Variants in CSMD3 observed in about 807,000 individuals in gnomAD.
The protein encoded by CSMD3 is CUB and Sushi multiple domains 3, also known as CUB and sushi domain-containing protein 3.
Under a neutral mutation model 435.2 loss-of-function variants are expected in CSMD3, and 177 were observed. The observed-to-expected ratio is 0.41, with a 90% CI of 0.36 to 0.46. The LOEUF is 0.46. Ranked by LOEUF, CSMD3 falls within the 20% of genes least tolerant of loss-of-function variation. The pLI is 0.34. For synonymous variants in CSMD3, 1,656 were observed against 1,520.5 expected (o/e 1.09, Z -2.07); for missense variants, 4,265 against 4,504.6 (o/e 0.95, Z 1.52).
chr8:112,316,926 C>G (rs943494033), intron 47 of CSMD3, among the ~76,000 whole-genome samples: 3 of 151,820 alleles, frequency 2.0e-5, no homozygotes, highest in Non-Finnish European at 4.4e-5. Context: ...TAGGAAAAGT[C>G]AAAAAATTTT....
At chr8:113,296,511 G>A (rs568158991) in intron 2 of CSMD3, among the ~76,000 whole-genome samples, 19 of 151,812 alleles carry the variant, frequency 1.3e-4, no homozygotes, top group Admixed American at 6.6e-5. Flanking sequence ...GCAACACAGC[G>A]AGACTCTGTC....
intron 11 of CSMD3, among the ~76,000 whole-genome samples, chr8:112,846,760 T>C (rs943956217): frequency 6.6e-6 from 1 of 151,974 alleles, no homozygotes; most frequent in Non-Finnish European, 1.5e-5. Flanking sequence ...TTTAATTTTA[T>C]TGTACTTGCA....
chr8:112,349,953 T>C (rs1486906569), intron 40 of CSMD3, among the ~76,000 whole-genome samples: 2 of 152,018 alleles, frequency 1.3e-5, no homozygotes, highest in African/African-American at 2.4e-5. Context: ...TGAAGGTACT[T>C]AAGGTTAAAT....
At chr8:112,421,984 A>C (rs1812564252) in intron 32 of CSMD3, among the ~76,000 whole-genome samples, 1 of 152,028 alleles carries the variant, frequency 6.6e-6, no homozygotes, top group Admixed American at 6.6e-5. Flanking sequence ...ACTATCAAAA[A>C]ATTAGTAAGC....
intron 2 of CSMD3, among the ~76,000 whole-genome samples, chr8:113,301,460 T>C (rs942025091): frequency 1.2e-4 from 19 of 152,180 alleles, no homozygotes; most frequent in African/African-American, 3.4e-4. Context: ...CACTCAGATA[T>C]AATTTGACTG....
intron 27 of CSMD3, among the ~76,000 whole-genome samples, chr8:112,525,559 A>G (rs1007669506): frequency 6.7e-6 from 1 of 148,272 alleles, no homozygotes; most frequent in Non-Finnish European, 1.5e-5. Flanking sequence ...TCTCTACTAA[A>G]AATACAAAAA....
rs1051980193 is a variant in CSMD3 at position 112,289,610 on chromosome 8, T to C, written c.8975-72A>G. ...CGAACAACCTATACCAGCATGTTTA[T>C]AGAACATACCAGAAGTAAATGTTCT... On this transcript the variant is annotated intron_variant, in intron 56 of 70. Transcript: ENST00000297405. 67 of 976,898 alleles carry C rather than the reference T, an allele frequency of 6.9e-5. No homozygotes were observed. In the African/African-American group the frequency reaches 1.0e-3, roughly 15 times the overall value. The allele number at this position is 976,898 out of a possible 1,614,324, so 60.5% of individuals were successfully genotyped here.
chr8:112,534,580 C>T (rs1349280315), intron 27 of CSMD3, among the ~76,000 whole-genome samples: 1 of 152,112 alleles, frequency 6.6e-6, no homozygotes, highest in African/African-American at 2.4e-5. Context: ...GATGGATTCA[C>T]AGCTAAATTC....
At chr8:113,000,392 T>C (rs2085818707) in intron 6 of CSMD3, among the ~76,000 whole-genome samples, 1 of 152,012 alleles carries the variant, frequency 6.6e-6, no homozygotes, top group Non-Finnish European at 1.5e-5. Flanking sequence ...ATGTCATATA[T>C]TGACCACTTC....
chr8:113,368,857 G>T (rs1386524705), intron 1 of CSMD3, among the ~76,000 whole-genome samples: 5 of 152,008 alleles, frequency 3.3e-5, no homozygotes, highest in Non-Finnish European at 5.9e-5. Context: ...ATTTTCCAAT[G>T]AAGGTAATGT....
chr8:112,401,420 C>A (rs1340771415), intron 35 of CSMD3, among the ~76,000 whole-genome samples: 5 of 151,882 alleles, frequency 3.3e-5, no homozygotes. Context: ...GTCTCATCTG[C>A]ATGTCTTCAT....
At chr8:112,636,496 A>ATCTG (rs1189038673) in intron 22 of CSMD3, among the ~76,000 whole-genome samples, 2 of 151,504 alleles carry the variant, frequency 1.3e-5, no homozygotes, top group African/African-American at 4.9e-5. Context: ...CTGTCTATCT[A>ATCTG]TATCATCTAT....
At chr8:112,269,377 A>G (rs1307590138) in intron 59 of CSMD3, among the ~76,000 whole-genome samples, 1 of 152,234 alleles carries the variant, frequency 6.6e-6, no homozygotes, top group African/African-American at 2.4e-5. Flanking sequence ...TGGTGTCCTT[A>G]GCCCAAAGGA....
chr8:112,624,369 A>C (rs952008505), intron 22 of CSMD3, among the ~76,000 whole-genome samples: 3 of 152,078 alleles, frequency 2.0e-5, no homozygotes. Context: ...TTTCTCCTGA[A>C]GAAAATAAAA....
intron 13 of CSMD3, among the ~76,000 whole-genome samples, chr8:112,795,316 C>A (rs1310021541): frequency 6.6e-6 from 1 of 151,456 alleles, no homozygotes. Context: ...TGTCCCAGTA[C>A]TGGAAAAAAA....
intron 32 of CSMD3, among the ~76,000 whole-genome samples, chr8:112,437,765 A>T (rs1814534310): frequency 6.6e-6 from 1 of 152,124 alleles, no homozygotes; most frequent in South Asian, 2.1e-4. Context: ...CAAAAATGTC[A>T]CAAGTATGGT....
chr8:112,387,164 G>C (rs1046686239), intron 36 of CSMD3, among the ~76,000 whole-genome samples: 3 of 152,124 alleles, frequency 2.0e-5, no homozygotes, highest in Admixed American at 6.5e-5. Context: ...TTGCCACAAA[G>C]AGTGGGAAAT....
In CSMD3 at chr8:112,549,836, CA is replaced by C. The variant is rs572531384; in HGVS notation, c.4564+834del. On this transcript the variant is annotated intron_variant, in intron 27 of 70. Transcript: ENST00000297405. ...GTGCCCAAAATTAGCAGTTAGTAAACAGCCAGAATTTGAATTCCGACACATT... is the reference window on the plus strand; with the variant it reads ...GTGCCCAAAATTAGCAGTTAGTAAACGCCAGAATTTGAATTCCGACACATT... Among the ~76,000 whole-genome samples, 540 of 152,034 alleles carry C rather than the reference CA, an allele frequency of 3.6e-3. 2 individuals carry two copies. Among genetic ancestry groups the C allele is most frequent in the African/African-American group, 0.012 (518 of 41,524 alleles).
intron 3 of CSMD3, among the ~76,000 whole-genome samples, chr8:113,271,303 G>A (rs866122267): frequency 6.6e-6 from 1 of 152,096 alleles, no homozygotes; most frequent in South Asian, 2.1e-4. Flanking sequence ...TATCTCCAGG[G>A]CACGTCACAG....
Sources: allele counts gnomAD v4.1 joint callset (sites outside exome capture counted in the v4.1 genomes callset), GRCh38; gene constraint gnomAD v4.1.1; transcripts MANE v1.5; gene names NCBI Gene and HGNC (gene_info 2026-07-23, HGNC 2026-07-21).